Variants in RGS6 observed in about 807,000 individuals in gnomAD.
RGS6 encodes the protein regulator of G-protein signaling 6.
RGS6 carries 30 observed loss-of-function variants against 78.5 expected under a neutral mutation model. The ratio of observed to expected loss-of-function variants is 0.38; its 90% CI spans 0.29 to 0.52. The LOEUF is 0.52. Ranked by LOEUF, RGS6 falls within the 20% of genes least tolerant of loss-of-function variation. The pLI is 0.85. For missense variants in RGS6, 495 were observed against 609.7 expected (o/e 0.81, Z 1.98); for synonymous variants, 206 against 206.0 (o/e 1.00, Z 0.00).
chr14:72,246,391 C>A (rs2054222103), intron 2 of RGS6, among the ~76,000 whole-genome samples: 2 of 152,186 alleles, frequency 1.3e-5, no homozygotes, highest in African/African-American at 4.8e-5. Flanking sequence ...GCAGATCTTT[C>A]TCTAACCTTG....
intron 6 of RGS6, among the ~76,000 whole-genome samples, chr14:72,464,909 C>A (rs2095863275): frequency 6.6e-6 from 1 of 152,136 alleles, no homozygotes; most frequent in Admixed American, 6.5e-5. Flanking sequence ...ATAGCCTCTG[C>A]CCTTAAAGAG....
chr14:72,481,136 G>A (rs1000377496), intron 12 of RGS6, among the ~76,000 whole-genome samples: 3 of 152,094 alleles, frequency 2.0e-5, no homozygotes, highest in African/African-American at 4.8e-5. Flanking sequence ...TTCTTCTCTC[G>A]GTGCCTGTTT....
At chr14:72,484,274 G>A (rs2096445249) in intron 12 of RGS6, among the ~76,000 whole-genome samples, 1 of 152,176 alleles carries the variant, frequency 6.6e-6, no homozygotes, top group Non-Finnish European at 1.5e-5. Context: ...ATCCCATAAT[G>A]CTTTAGATTC....
At chr14:72,380,266 A>G (rs572935713) in intron 3 of RGS6, among the ~76,000 whole-genome samples, 40 of 152,256 alleles carry the variant, frequency 2.6e-4, no homozygotes, top group African/African-American at 9.1e-4. Context: ...CTGGGAAAAG[A>G]TTTTATGAAT....
the RGS6 span, among the ~76,000 whole-genome samples, chr14:71,876,012 A>G: frequency 3.3e-5 from 5 of 151,914 alleles, no homozygotes; most frequent in African/African-American, 1.2e-4. Flanking sequence ...CTGAGAGACA[A>G]TTTCTTATAA....
Position 72,458,271 on chromosome 14 carries a change from T to C in RGS6, c.236T>C (p.Val79Ala). Residue 79 changes from valine (V) to alanine (A), a missense_variant and splice_region_variant, in exon 5 of 18, where the codon GTT becomes GCT. Transcript: ENST00000553525. Reference protein sequence around the residue: ...LMKNLSIEDPVEAIHLGSLIA... With the variant: ...LMKNLSIEDPAEAIHLGSLIA... ...CTCTCTCTATGCACTGTTCTTACAGTTGAAGCAATACACTTGGGGAGCCTT... is the reference window on the plus strand; with the variant it reads ...CTCTCTCTATGCACTGTTCTTACAGCTGAAGCAATACACTTGGGGAGCCTT... 6.2e-7 allele frequency: 1 copy of C among 1,611,602 alleles called. No individual in the cohort carries two copies. Among genetic ancestry groups the C allele is most frequent in the South Asian group, 1.1e-5 (1 of 90,976 alleles).
intron 2 of RGS6, among the ~76,000 whole-genome samples, chr14:72,162,831 T>C (rs2096871979): frequency 6.6e-6 from 1 of 152,170 alleles, no homozygotes. Flanking sequence ...TACATATACA[T>C]ATGTGTGTAT....
intron 2 of RGS6, among the ~76,000 whole-genome samples, chr14:72,265,365 C>A (rs531568738): frequency 6.6e-6 from 1 of 152,244 alleles, no homozygotes; most frequent in South Asian, 2.1e-4. Context: ...ATGGGAAATC[C>A]TGCCACCTGG....
intron 2 of RGS6, among the ~76,000 whole-genome samples, chr14:72,043,390 A>G (rs532637311): frequency 2.6e-5 from 4 of 152,178 alleles, no homozygotes; most frequent in Admixed American, 6.5e-5. Flanking sequence ...TTCTCTATGA[A>G]TAACCTCTTT....
chr14:71,893,041 T>G, the RGS6 span, among the ~76,000 whole-genome samples: 1 of 152,276 alleles, frequency 6.6e-6, no homozygotes, highest in South Asian at 2.1e-4. Flanking sequence ...TTTTACAATA[T>G]AGACATTGTA....
intron 2 of RGS6, among the ~76,000 whole-genome samples, chr14:71,974,113 C>G (rs2093978308): frequency 6.6e-6 from 1 of 152,028 alleles, no homozygotes; most frequent in South Asian, 2.1e-4. Flanking sequence ...GTTGATCACT[C>G]TTGTTATTGA....
intron 3 of RGS6, among the ~76,000 whole-genome samples, chr14:72,374,957 T>G (rs1262823294): frequency 1.3e-5 from 2 of 152,198 alleles, no homozygotes; most frequent in Non-Finnish European, 2.9e-5. Flanking sequence ...ATGAAAAATA[T>G]AATTGAAATT....
intron 2 of RGS6, among the ~76,000 whole-genome samples, chr14:72,283,872 G>A (rs2062011763): frequency 6.6e-6 from 1 of 152,236 alleles, no homozygotes; most frequent in Admixed American, 6.5e-5. Flanking sequence ...GAGACTTGTT[G>A]AATGGCTTTG....
intron 13 of RGS6, among the ~76,000 whole-genome samples, chr14:72,504,300 T>C (rs570447039): frequency 6.6e-6 from 1 of 152,278 alleles, no homozygotes; most frequent in African/African-American, 2.4e-5. Flanking sequence ...GGTTTCTTTT[T>C]GTGCTTAACA....
intron 2 of RGS6, among the ~76,000 whole-genome samples, chr14:72,019,366 A>G (rs952500936): frequency 1.2e-4 from 18 of 152,220 alleles, no homozygotes; most frequent in Admixed American, 6.5e-4. Flanking sequence ...TGGTAATTCT[A>G]AGATAGAATA....
chr14:72,443,972 A>G (rs2095289549), intron 3 of RGS6, among the ~76,000 whole-genome samples: 1 of 152,186 alleles, frequency 6.6e-6, no homozygotes, highest in Non-Finnish European at 1.5e-5. Context: ...GCCCATACCC[A>G]GCCTCCATTT....
chr14:72,525,634 G>C (rs1346717562), intron 15 of RGS6, among the ~76,000 whole-genome samples: 1 of 152,236 alleles, frequency 6.6e-6, no homozygotes, highest in South Asian at 2.1e-4. Context: ...AAGCCCAGTA[G>C]AGTATGATTT....
At chr14:72,229,195 A>G (rs1293854180) in intron 2 of RGS6, among the ~76,000 whole-genome samples, 1 of 152,204 alleles carries the variant, frequency 6.6e-6, no homozygotes, top group Non-Finnish European at 1.5e-5. Flanking sequence ...TTTATGAGCA[A>G]TTTTAAATTA....
intron 14 of RGS6, among the ~76,000 whole-genome samples, chr14:72,510,772 C>T (rs1000283887): frequency 2.0e-5 from 3 of 152,178 alleles, no homozygotes; most frequent in Non-Finnish European, 2.9e-5. Flanking sequence ...GTAGCAGCTA[C>T]GTAACAGTAG....
Sources: allele counts gnomAD v4.1 joint callset (sites outside exome capture counted in the v4.1 genomes callset), GRCh38; gene constraint gnomAD v4.1.1; transcripts MANE v1.5; gene names NCBI Gene and HGNC (gene_info 2026-07-23, HGNC 2026-07-21).